Variants in MYH1 observed in about 807,000 individuals in gnomAD.
The protein encoded by MYH1 is myosin heavy chain 1.
MYH1 carries 214 observed loss-of-function variants against 225.6 expected under a neutral mutation model. That is an observed-to-expected ratio of 0.95 (90% CI 0.85 to 1.06). The LOEUF is 1.06. Ranked by LOEUF, MYH1 falls within the 50% of genes least tolerant of loss-of-function variation. The probability of loss-of-function intolerance (pLI) is 0.00; values close to 1 mark genes in which losing one functional copy is unlikely to be tolerated. For missense variants in MYH1, 2,098 were observed against 2,344.2 expected (o/e 0.89, Z 2.17); for synonymous variants, 774 against 842.3 (o/e 0.92, Z 1.40).
At chr17:10,515,780 G>C (rs559011023) in intron 5 of MYH1, 146 bp downstream of exon 5, 1 of 1,369,594 alleles carries the variant, frequency 7.3e-7, no homozygotes, top group East Asian at 2.4e-5. Flanking sequence ...AGCTTTGACA[G>C]TATATACTTC....
Position 10,500,758 on chromosome 17 carries a change from T to A in MYH1, c.3739-6A>T, listed in dbSNP as rs1260052533. The A allele has an allele frequency of 2.5e-6, 4 of 1,614,086 alleles. No homozygotes were observed. In the South Asian group the frequency reaches 4.4e-5, roughly 18 times the overall value. On this transcript the variant is annotated splice_region_variant and splice_polypyrimidine_tract_variant and intron_variant, in intron 27 of 39. Coordinates refer to ENST00000226207, the MANE Select transcript of MYH1 (RefSeq NM_005963.4). ...CACATCTTTTCAAGGTTTCCCTGCATTCAAAAAGTGGTAGAAGGCATCTCA... is the reference window on the plus strand; with the variant it reads ...CACATCTTTTCAAGGTTTCCCTGCAATCAAAAAGTGGTAGAAGGCATCTCA...
chr17:10,518,410 A>T (rs1422468713), intron 1 of MYH1, 110 bp downstream of exon 1: 2 of 152,210 alleles, frequency 1.3e-5, no homozygotes, highest in Non-Finnish European at 2.9e-5. Context: ...CTGGTGCTTC[A>T]CTGGCAGGGC....
intron 17 of MYH1, 77 bp from the exon 18 acceptor site, chr17:10,506,176 A>C: frequency 1.3e-6 from 2 of 1,556,678 alleles, no homozygotes; most frequent in Admixed American, 3.5e-5. Context: ...AATTATTGAG[A>C]TCTATGACAG....
intron 10 of MYH1, 37 bp downstream of exon 10, chr17:10,512,830 A>G (rs1161066160): frequency 6.3e-7 from 1 of 1,599,326 alleles, no homozygotes; most frequent in Admixed American, 1.7e-5. Context: ...AGAAGATAGT[A>G]CAGTGACAAT....
chr17:10,512,541 G>T lies in MYH1; in HGVS notation c.1014C>A (p.Ala338=), dbSNP rs762276146. 21 of 1,614,058 alleles carry T rather than the reference G, an allele frequency of 1.3e-5. 2 individuals carry two copies. The South Asian group carries it at 1.6e-4, about 13-fold the overall frequency. Residue 338 remains alanine (A), a synonymous_variant, in exon 12 of 40, where the codon GCC becomes GCA. Transcript: ENST00000226207. The part of the protein sequence containing the change: ...DQEELMATDS[A]IEILGFTSDE... ...CTGAAGTAAAGCCCAGAATTTCAAT[G>T]GCACTCTACCATGAGAGATGAGAAG... is the stretch of plus-strand genomic sequence containing the variant.
intron 2 of MYH1, among the ~76,000 whole-genome samples, chr17:10,517,528 A>G (rs1261861794): frequency 6.6e-6 from 1 of 152,226 alleles, no homozygotes. Context: ...GCATTCATTA[A>G]TGCTGTCAAT....
chr17:10,502,831 G>T lies in MYH1; in HGVS notation c.3018C>A (p.Ala1006=). 2 of 1,613,938 alleles carry T rather than the reference G, an allele frequency of 1.2e-6. No homozygotes were observed. Among genetic ancestry groups the T allele is most frequent in the Non-Finnish European group, 1.7e-6 (2 of 1,180,020 alleles). The part of the protein sequence containing the change: ...LTKEKKALQE[A]HQQTLDDLQA... ...GCAGGTCATCCAGGGTCTGCTGGTG[G>T]GCCTCCTGGAGAGCCTTCTTCTCCT... is the stretch of plus-strand genomic sequence containing the variant. The change falls in exon 24 of 40, where the codon GCC becomes GCA. Residue 1006 remains alanine, a synonymous_variant. Transcript: ENST00000226207.
chr17:10,501,956 C>T, intron 24 of MYH1, 45 bp from the exon 25 acceptor site: 1 of 1,546,786 alleles, frequency 6.5e-7, no homozygotes, highest in Non-Finnish European at 8.7e-7. Flanking sequence ...AATGGTAGCA[C>T]CTTTTGTCCC....
chr17:10,515,384 ATCTT>A (rs2073215108), intron 5 of MYH1, among the ~76,000 whole-genome samples: 2 of 152,208 alleles, frequency 1.3e-5, no homozygotes, highest in Non-Finnish European at 2.9e-5. Flanking sequence ...TCAAAATAAA[ATCTT>A]TCTAAGGGGG....
In MYH1 at chr17:10,501,687, A is replaced by G. The variant is rs770664801; in HGVS notation, c.3258-3T>C. On this transcript the variant is annotated splice_polypyrimidine_tract_variant and splice_region_variant and intron_variant, in intron 25 of 39. Transcript: ENST00000226207. ...GACCGCTCATTTCAAACTCTTTCCT[A>G]TTAGAAAAGCCCTTTATGTCAGTCT... is the stretch of plus-strand genomic sequence containing the variant. 7 of 1,614,162 alleles carry G rather than the reference A, an allele frequency of 4.3e-6. No individual in the cohort carries two copies. The highest frequency in any genetic ancestry group is 1.1e-5 in the South Asian group (1 of 91,082).
At chr17:10,513,404 G>A (rs2073191805) in intron 9 of MYH1, among the ~76,000 whole-genome samples, 1 of 152,074 alleles carries the variant, frequency 6.6e-6, no homozygotes, top group Non-Finnish European at 1.5e-5. Context: ...GGAATACTTT[G>A]GACATGCCCA....
chr17:10,502,775 G>T lies in MYH1; in HGVS notation c.3074C>A (p.Thr1025Asn), dbSNP rs370896262. The T allele has an allele frequency of 1.4e-5, 23 of 1,613,890 alleles. No individual in the cohort carries two copies. The African/African-American group carries it at 2.7e-4, about 19-fold the overall frequency. Residue 1025 changes from threonine (T) to asparagine (N), a missense_variant, in exon 24 of 40, where the codon ACC (threonine) becomes AAC (asparagine). Thr to Asn is a moderately conservative substitution (Grantham distance 65). Transcript: ENST00000226207. ...TTGTTCAAGTTTGATTTTAGCTTTGGTCAGGGTGTTGACTTTGTCCTCCTC... is the reference window on the plus strand; with the variant it reads ...TTGTTCAAGTTTGATTTTAGCTTTGTTCAGGGTGTTGACTTTGTCCTCCTC... ...QAEEDKVNTL[T>N]KAKIKLEQQV... is the part of the protein sequence containing the mutation.
chr17:10,501,152 G>T lies in MYH1; in HGVS notation c.3696C>A (p.Ile1232=). The change falls in exon 27 of 40, where the codon ATC becomes ATA. Residue 1232 remains isoleucine, a synonymous_variant. Coordinates refer to ENST00000226207, the MANE Select transcript of MYH1 (RefSeq NM_005963.4). ...TCTCCATGTTACTAGCAAGGTCATC[G>T]ATCTCCATCTTCATCTCACTCTTCT... ...EKEKSEMKME[I]DDLASNMETV... The T allele has an allele frequency of 6.2e-7, 1 of 1,614,028 alleles. No homozygotes were observed. The highest frequency in any genetic ancestry group is 8.5e-7 in the Non-Finnish European group (1 of 1,179,982).
intron 27 of MYH1, 101 bp downstream of exon 27, chr17:10,501,009 G>A (rs1043104750): frequency 6.5e-7 from 1 of 1,539,204 alleles, no homozygotes; most frequent in East Asian, 2.3e-5. Context: ...GAGAAAAAGG[G>A]TGCCTGATTT....
In MYH1 at chr17:10,496,076, T is replaced by C; in HGVS notation, c.5043A>G (p.Arg1681=). The C allele has an allele frequency of 6.2e-7, 1 of 1,614,164 alleles. No homozygotes were observed. The highest frequency in any genetic ancestry group is 8.5e-7 in the Non-Finnish European group (1 of 1,180,032). ...CGATCTCAGCCTGCAGCAGGTTGGCTCTGCGCTCCACCATAGCCAGCTGTT... is the reference window on the plus strand; with the variant it reads ...CGATCTCAGCCTGCAGCAGGTTGGCCCTGCGCTCCACCATAGCCAGCTGTT... ...LKEQLAMVER[R]ANLLQAEIEE... The change falls in exon 35 of 40, where the codon AGA becomes AGG. Residue 1681 remains arginine, a synonymous_variant. Coordinates refer to ENST00000226207, the MANE Select transcript of MYH1 (RefSeq NM_005963.4).
At position 10,500,738 on chromosome 17, in the gene MYH1, C is replaced by G. The variant is rs372955878; in HGVS notation, c.3753G>C (p.Lys1251Asn). The change falls in exon 28 of 40, where the codon AAG becomes AAC. Residue 1251 changes from lysine to asparagine, a missense_variant. Transcript: ENST00000226207. ...GTTGATCTTCTAGAGCGCGGCACATCTTTTCAAGGTTTCCCTGCATTCAAA... is the reference window on the plus strand; with the variant it reads ...GTTGATCTTCTAGAGCGCGGCACATGTTTTCAAGGTTTCCCTGCATTCAAA... ...TVSKAKGNLE[K>N]MCRALEDQLS... 2 of 1,614,048 alleles carry G rather than the reference C, an allele frequency of 1.2e-6. No homozygotes were observed. Among genetic ancestry groups the G allele is most frequent in the Non-Finnish European group, 1.7e-6 (2 of 1,180,038 alleles).
intron 37 of MYH1, 23 bp downstream of exon 37, chr17:10,494,908 T>C (rs934578795): frequency 8.7e-6 from 14 of 1,613,946 alleles, no homozygotes; most frequent in African/African-American, 1.3e-5. Flanking sequence ...GAGATAGAAA[T>C]ACATGCTGAT....
rs371802090 is a variant in MYH1, at chr17:10,513,972, C to G, written c.648+38G>C. The G allele has an allele frequency of 5.0e-6, 8 of 1,613,830 alleles. No homozygotes were observed. In the African/African-American group the frequency reaches 1.1e-4, roughly 22 times the overall value. On this transcript the variant is annotated intron_variant, in intron 7 of 39. Transcript: ENST00000226207. ...CTTGGGAATTTCCTACCTGAGAGTCCCGACAGAGCCTGGATTCTGACTAAC... is the reference window on the plus strand; with the variant it reads ...CTTGGGAATTTCCTACCTGAGAGTCGCGACAGAGCCTGGATTCTGACTAAC...
chr17:10,497,779 A>G lies in MYH1; in HGVS notation c.4320T>C (p.Asn1440=). Residue 1440 remains asparagine, a synonymous_variant, in exon 31 of 40, where the codon AAT becomes AAC. Coordinates refer to ENST00000226207, the MANE Select transcript of MYH1 (RefSeq NM_005963.4). ...EDLMIDVERT[N]AACAALDKKQ... ...TTTTGTCCAGGGCGGCACAGGCAGC[A>G]TTTGTCCTCTCAACATCAATCATGA... 1.9e-6 allele frequency: 3 copies of G among 1,614,142 alleles called. No individual in the cohort carries two copies. Among genetic ancestry groups the G allele is most frequent in the Non-Finnish European group, 2.5e-6 (3 of 1,180,008 alleles).
Sources: gnomAD v4.1 joint callset for allele counts (sites outside exome capture counted in the v4.1 genomes callset) on GRCh38, gnomAD v4.1.1 for gene constraint, MANE v1.5 for transcripts, NCBI Gene and HGNC (gene_info 2026-07-23, HGNC 2026-07-21) for gene names.